The following MUC12 variants were observed in gnomAD, a reference collection of about 807,000 sequenced individuals.
MUC12 encodes the protein mucin 12, cell surface associated.
Under a neutral mutation model 230.8 loss-of-function variants are expected in MUC12, and 172 were observed. The ratio of observed to expected loss-of-function variants is 0.75; its 90% CI spans 0.66 to 0.85. MUC12 has a LOEUF of 0.85. Ranked by LOEUF, MUC12 falls within the 40% of genes least tolerant of loss-of-function variation. MUC12 has a pLI of 0.00. For synonymous variants in MUC12, 1,259 were observed against 2,401.9 expected, an observed-to-expected ratio of 0.52 and a Z score of 13.91; for missense variants, 3,506 against 5,920.6, an observed-to-expected ratio of 0.59 and a Z score of 13.38.
At chr7:101,016,132 T>A (rs1308285460) in intron 10 of MUC12, among the ~76,000 whole-genome samples, 1 of 151,590 alleles carries the variant, frequency 6.6e-6, no homozygotes, top group Non-Finnish European at 1.5e-5. Context: ...CTTATCCCAG[T>A]GAGGACAAGG....
chr7:100,986,736 T>G (rs1465729519), intron 1 of MUC12, among the ~76,000 whole-genome samples: 1 of 152,114 alleles, frequency 6.6e-6, no homozygotes, highest in Non-Finnish European at 1.5e-5. Context: ...GGGGCCAAGG[T>G]TGGCCTTCCT....
rs1793712687 is a variant in MUC12 at position 101,004,849 on chromosome 7, C to G, written c.14286C>G (p.Ile4762Met). The G allele has an allele frequency of 1.3e-6, 2 of 1,537,190 alleles. No homozygotes were observed. The highest frequency in any genetic ancestry group is 1.7e-6 in the Non-Finnish European group (2 of 1,146,530). ...CTGCCAGCATGACAAGCTCCAGCAT[C>G]AGTGGAGAACCCACCAGCTTGTATA... is the stretch of plus-strand genomic sequence containing the variant. ...LSPASMTSSS[I>M]SGEPTSLYSQ... is the part of the protein sequence containing the mutation. The change falls in exon 2 of 12, where the codon ATC becomes ATG. Residue 4762 changes from isoleucine to methionine, a missense_variant. Coordinates refer to ENST00000536621, the MANE Select transcript of MUC12 (RefSeq NM_001164462.2).
intron 5 of MUC12, among the ~76,000 whole-genome samples, chr7:101,011,093 A>G (rs1460111443): frequency 6.6e-6 from 1 of 152,142 alleles, no homozygotes; most frequent in African/African-American, 2.4e-5. Flanking sequence ...ATGAAGCTGG[A>G]AAGCACCAAC....
chr7:101,017,727 T>G (rs1793955691), intron 11 of MUC12, 64 bp downstream of exon 11: 1 of 1,194,440 alleles, frequency 8.4e-7, no homozygotes, highest in South Asian at 1.4e-5. Context: ...GGTTCCCTCT[T>G]CCCCCGGGAC....
intron 1 of MUC12, among the ~76,000 whole-genome samples, chr7:100,973,842 C>T (rs113793501): frequency 2.4e-5 from 2 of 85,050 alleles, no homozygotes; most frequent in Admixed American, 2.4e-4. Context: ...AATGTAGTGA[C>T]ACCCCATCTC....
intron 10 of MUC12, among the ~76,000 whole-genome samples, 152 bp downstream of exon 10, chr7:101,015,843 G>A (rs1254527970): frequency 2.0e-5 from 3 of 152,150 alleles, no homozygotes; most frequent in Admixed American, 2.0e-4. Flanking sequence ...TGCAGCCCCG[G>A]ACCCAGACAC....
At chr7:100,983,359 G>A in intron 1 of MUC12, among the ~76,000 whole-genome samples, 1 of 151,506 alleles carries the variant, frequency 6.6e-6, no homozygotes, top group Non-Finnish European at 1.5e-5. Flanking sequence ...GATGGAGGTT[G>A]CAGTGAGCCG....
chr7:100,989,372 G>T (rs894013129), intron 1 of MUC12, among the ~76,000 whole-genome samples: 7 of 152,154 alleles, frequency 4.6e-5, no homozygotes, highest in African/African-American at 1.7e-4. Context: ...ATCCCAAAGT[G>T]CTAGGATTAT....
At chr7:101,015,068 T>C (rs1793895384) in intron 9 of MUC12, 1 of 155,546 alleles carries the variant, frequency 6.4e-6, no homozygotes, top group Admixed American at 6.2e-5. Context: ...ATTGCTGCCT[T>C]GGGGATTAAA....
chr7:100,979,462 CAAAATAAAAT>C (rs149026343), intron 1 of MUC12, among the ~76,000 whole-genome samples: 13 of 151,446 alleles, frequency 8.6e-5, no homozygotes, highest in South Asian at 6.2e-4. Context: ...TAAAATAAAG[CAAAATAAAAT>C]AAAATAAAAT....
rs1274748224 is a variant in MUC12, at chr7:101,013,889, G to T, written c.15639-24G>T. ...GGATGTGAGGGATCCCAGGGGATCA[G>T]CGTGAGCTTGTCTGTGTCCCCAGGT... is the stretch of plus-strand genomic sequence containing the variant. On this transcript the variant is annotated intron_variant, in intron 8 of 11. Transcript: ENST00000536621. 4 of 1,525,260 alleles carry T rather than the reference G, an allele frequency of 2.6e-6. 1 individual carries two copies. The South Asian group carries it at 4.9e-5, about 19-fold the overall frequency. The allele number at this position is 1,525,260 out of a possible 1,614,324, so 94.5% of individuals were successfully genotyped here. A position where few individuals can be genotyped will look rare whatever the true frequency, so the allele number is the denominator to read the frequency against.
rs1793009743 is a variant in MUC12 at position 100,975,371 on chromosome 7, G to C, written c.67+5682G>C. Among the ~76,000 whole-genome samples, 5 of 152,422 alleles carry C rather than the reference G, an allele frequency of 3.3e-5. No individual in the cohort carries two copies. In the South Asian group the frequency reaches 1.0e-3, roughly 32 times the overall value. On this transcript the variant is annotated intron_variant, in intron 1 of 11. Coordinates refer to ENST00000536621, the MANE Select transcript of MUC12 (RefSeq NM_001164462.2). ...AAAGGTGAAGCTGGGGGTGGAAATG[G>C]TTAACACCTATAAAATTGGGAAGAG...
intron 9 of MUC12, 54 bp downstream of exon 9, chr7:101,014,128 G>A (rs1384957083): frequency 2.7e-6 from 4 of 1,464,974 alleles, no homozygotes; most frequent in African/African-American, 1.4e-5. Flanking sequence ...AGATCCTGGG[G>A]TGGCCACTGT....
Position 100,995,481 on chromosome 7 carries a change from G to A in MUC12, c.4918G>A (p.Gly1640Ser). 8 of 1,534,178 alleles carry A rather than the reference G, an allele frequency of 5.2e-6. 1 individual carries two copies. Among genetic ancestry groups the A allele is most frequent in the African/African-American group, 2.8e-5 (2 of 70,920 alleles). Residue 1640 changes from glycine (G) to serine (S), a missense_variant, in exon 2 of 12, where the codon GGC becomes AGC. By Grantham distance (56) the Gly-to-Ser change is moderately conservative. Coordinates refer to ENST00000536621, the MANE Select transcript of MUC12 (RefSeq NM_001164462.2). The stretch of plus-strand genomic sequence containing the variant: ...ATCTACTACTTTCCACAGCAGCCCA[G>A]GCTCCACTGAAACAACACTCTTACC... ...PESTTFHSSP[G>S]STETTLLPDN...
intron 1 of MUC12, among the ~76,000 whole-genome samples, chr7:100,973,653 C>T (rs1792959465): frequency 7.2e-6 from 1 of 138,202 alleles, no homozygotes; most frequent in East Asian, 2.1e-4. Context: ...AGTGCAGGAA[C>T]TACAGGCAGG....
intron 5 of MUC12, among the ~76,000 whole-genome samples, chr7:101,011,986 C>A (rs539098956): frequency 6.6e-6 from 1 of 152,272 alleles, no homozygotes; most frequent in African/African-American, 2.4e-5. Flanking sequence ...AGCAGCTGCA[C>A]TATTTTACTT....
At chr7:101,006,663 C>T (rs1793758112) in intron 3 of MUC12, 91 bp downstream of exon 3, 2 of 849,942 alleles carry the variant, frequency 2.4e-6, no homozygotes, top group South Asian at 2.9e-5. Context: ...GCCACTGCCT[C>T]ACTTGCAGGT....
chr7:101,006,132 C>T (rs1382982547), intron 2 of MUC12, among the ~76,000 whole-genome samples: 1 of 152,134 alleles, frequency 6.6e-6, no homozygotes, highest in Non-Finnish European at 1.5e-5. Context: ...TCCGCATCTG[C>T]TCTGGCCTCC....
At position 100,991,471 on chromosome 7, in the gene MUC12, C is replaced by A. The variant is rs1228434054; in HGVS notation, c.908C>A (p.Thr303Lys). The A allele has an allele frequency of 2.6e-6, 4 of 1,537,722 alleles. No individual in the cohort carries two copies. Among genetic ancestry groups the A allele is most frequent in the Non-Finnish European group, 3.5e-6 (4 of 1,147,060 alleles). The change falls in exon 2 of 12, where the codon ACA (threonine) becomes AAA (lysine). Residue 303 changes from threonine to lysine, a missense_variant. By Grantham distance (78) the Thr-to-Lys change is moderately conservative. Transcript: ENST00000536621. ...GTTSAFVKLSTTYHSSPSSTP... is the reference protein window; with the variant it reads ...GTTSAFVKLSKTYHSSPSSTP... ...ACATCAGCCTTTGTTAAACTATCTA[C>A]AACTTATCACAGCAGCCCGAGCTCA...
Sources: allele counts gnomAD v4.1 joint callset (sites outside exome capture counted in the v4.1 genomes callset), GRCh38; gene constraint gnomAD v4.1.1; transcripts MANE v1.5; gene names NCBI Gene and HGNC (gene_info 2026-07-23, HGNC 2026-07-21).